Variants in NOXA1 observed in about 807,000 individuals in gnomAD.
The protein encoded by NOXA1 is NADPH oxidase activator 1.
A neutral mutation model predicts 64.8 loss-of-function variants in NOXA1; 56 were observed. The observed-to-expected ratio is 0.86, with a 90% CI of 0.70 to 1.08. NOXA1 has a LOEUF of 1.08. Among genes scored for constraint, NOXA1 ranks in the 50% least tolerant of loss-of-function variants. The pLI is 0.00. For synonymous variants in NOXA1, 295 were observed against 294.8 expected (o/e 1.00, Z -0.01); for missense variants, 668 against 658.5 (o/e 1.01, Z -0.16).
chr9:137,428,463 G>T (rs73565567), intron 3 of NOXA1, among the ~76,000 whole-genome samples: 172 of 151,952 alleles, frequency 1.1e-3, no homozygotes, highest in African/African-American at 4.1e-3. Context: ...TGCCTGGAAC[G>T]TGTTGGCACC....
Position 137,429,016 on chromosome 9 carries a change from G to A in NOXA1, c.504G>A (p.Gln168=), listed in dbSNP as rs1004978657. ...NGLDSALDQV[Q]RRGSLPPRQV... ...TGGACTCAGCCCTGGACCAAGTGCA[G>A]GTGAGGAGTGCCAGCCCGGTCATGG... Residue 168 remains glutamine (Q), a splice_region_variant and synonymous_variant, in exon 4 of 14, where the codon CAG becomes CAA. Transcript: ENST00000683555. The A allele has an allele frequency of 5.1e-6, 8 of 1,554,068 alleles. No individual in the cohort carries two copies. The highest frequency in any genetic ancestry group is 7.0e-6 in the Non-Finnish European group (8 of 1,147,672).
Position 137,431,235 on chromosome 9 carries a change from G to C in NOXA1, c.699-1G>C. 1 of 1,612,128 alleles carries C rather than the reference G, an allele frequency of 6.2e-7. No homozygotes were observed. The highest frequency in any genetic ancestry group is 1.3e-5 in the African/African-American group (1 of 75,038). On this transcript the variant is annotated splice_acceptor_variant, in intron 7 of 13. Transcript: ENST00000683555. LOFTEE classifies it high-confidence loss of function. The surrounding 1 kb of genome is among the most constrained non-coding windows in gnomAD (Gnocchi z 5.6). ...CCTGAGAGCCTCCCTCCTCTCCCTA[G>C]GTCCCTAATCATGGACTCCCCAAGA...
At chr9:137,430,616 C>T (rs1331300365) in intron 5 of NOXA1, among the ~76,000 whole-genome samples, 168 bp from the exon 6 acceptor site, 2 of 152,244 alleles carry the variant, frequency 1.3e-5, no homozygotes, top group Non-Finnish European at 2.9e-5. Context: ...TGTTTTTCTC[C>T]ATCAGACATT....
At chr9:137,432,930 G>A (rs1049842015) in intron 8 of NOXA1, 99 bp from the exon 9 acceptor site, 20 of 1,334,628 alleles carry the variant, frequency 1.5e-5, no homozygotes, top group East Asian at 2.3e-5. Flanking sequence ...GGTGCTGGCC[G>A]GGCACACAGG....
In NOXA1 at chr9:137,428,972, G is replaced by T; in HGVS notation, c.460G>T (p.Glu154Ter). 2 of 1,599,718 alleles carry T rather than the reference G, an allele frequency of 1.3e-6. No individual in the cohort carries two copies. Among genetic ancestry groups the T allele is most frequent in the Non-Finnish European group, 8.5e-7 (1 of 1,173,648 alleles). ...AAGGGAGGCCATGTCCAAGTGGCCG[G>T]AGGGGTCCCTGAATGGCCTGGACTC... Reference protein sequence around the residue: ...SLREAMSKWPEGSLNGLDSAL... With the variant: ...SLREAMSKWP The change falls in exon 4 of 14, where the codon GAG becomes TAG. Residue 154 changes from glutamate to a stop codon, truncating the protein, a stop_gained. Transcript: ENST00000683555. LOFTEE classifies it high-confidence loss of function.
Position 137,431,346 on chromosome 9 carries a change from G to GTGGGCC in NOXA1, c.804+13_804+18dup, listed in dbSNP as rs1564240270. 1 of 1,603,150 alleles carries GTGGGCC rather than the reference G, an allele frequency of 6.2e-7. No individual in the cohort carries two copies. Among genetic ancestry groups the GTGGGCC allele is most frequent in the Non-Finnish European group, 8.5e-7 (1 of 1,177,072 alleles). On this transcript the variant is annotated splice_donor_region_variant and intron_variant, in intron 8 of 13. Transcript: ENST00000683555. This position sits in a 1 kb window ranked among gnomAD's most constrained non-coding sequence, Gnocchi z 5.6. ...TCGACTGCCTACCAGGAGCAGGTGC[G>GTGGGCC]TGGGCCTGGGCCTCTTCCCCTGCTG...
rs1405959461 is a variant in NOXA1 at position 137,433,454 on chromosome 9, G to C, written c.911G>C (p.Gly304Ala). 3 of 1,597,868 alleles carry C rather than the reference G, an allele frequency of 1.9e-6. No homozygotes were observed. The highest frequency in any genetic ancestry group is 2.6e-6 in the Non-Finnish European group (3 of 1,175,632). The change falls in exon 11 of 14, where the codon GGA becomes GCA. Residue 304 changes from glycine (G) to alanine (A), a missense_variant and splice_region_variant. Physicochemically the swap from Gly to Ala is moderately conservative, Grantham distance 60 (BLOSUM62 0). Transcript: ENST00000683555. The stretch of plus-strand genomic sequence containing the variant: ...CCTCCCCCTCCTGCCTGGACCCAGG[G>C]AGCAGGTGCAGGGGGCTCCGAGCCC... ...GPCEDPAGAGGAGAGGSEPLV... is the reference protein window; with the variant it reads ...GPCEDPAGAGAAGAGGSEPLV...
Position 137,425,120 on chromosome 9 carries a change from C to T in NOXA1, c.178-1128C>T, listed in dbSNP as rs139067844. Among the ~76,000 whole-genome samples the T allele has an allele frequency of 3.8e-3, 579 of 152,314 alleles. 5 individuals are homozygous for T. Among genetic ancestry groups the T allele is most frequent in the African/African-American group, 0.013 (537 of 41,566 alleles). On this transcript the variant is annotated intron_variant, in intron 1 of 13. Coordinates refer to ENST00000683555, the MANE Select transcript of NOXA1 (RefSeq NM_001256067.2). ...TCAGGGCTGCGTGCCTGTGCTCAGC[C>T]GCCACACTTCACACCTGTGTGAACT...
rs1838987299 is a variant in NOXA1 at position 137,429,330 on chromosome 9, C to T, written c.559C>T (p.His187Tyr). 5 of 1,583,444 alleles carry T rather than the reference C, an allele frequency of 3.2e-6. No homozygotes were observed. The South Asian group carries it at 5.8e-5, about 18-fold the overall frequency. Residue 187 changes from histidine (H) to tyrosine (Y), a missense_variant, in exon 5 of 14, where the codon CAC (histidine) becomes TAC (tyrosine). His to Tyr is a moderately conservative substitution (Grantham distance 83). Coordinates refer to ENST00000683555, the MANE Select transcript of NOXA1 (RefSeq NM_001256067.2). Reference protein sequence around the residue: ...QVPRGEVFRPHRWHLKHLEPV... With the variant: ...QVPRGEVFRPYRWHLKHLEPV... ...CCCCAGGGGCGAGGTCTTCCGGCCC[C>T]ACCGGTGGCACCTGAAGCACTTGGA... is the stretch of plus-strand genomic sequence containing the variant.
chr9:137,433,645 G>A (rs756697061), intron 11 of NOXA1, 38 bp downstream of exon 11: 1 of 1,527,222 alleles, frequency 6.5e-7, no homozygotes, highest in African/African-American at 1.4e-5. Context: ...GGTGGAGCTG[G>A]GCACCGCCCC....
intron 5 of NOXA1, among the ~76,000 whole-genome samples, chr9:137,429,935 C>T (rs1211922616): frequency 1.9e-5 from 2 of 106,490 alleles, no homozygotes; most frequent in Admixed American, 1.1e-4. Context: ...GCGAGGTCCC[C>T]GGGGGGGTGC....
At chr9:137,429,433 C>A in intron 5 of NOXA1, 50 bp downstream of exon 5, 1 of 1,324,696 alleles carries the variant, frequency 7.5e-7, no homozygotes, top group Non-Finnish European at 1.1e-6. Flanking sequence ...GCTGAGCCCT[C>A]GAACTGTGTT....
At chr9:137,433,321 C>T (rs926594131) in intron 10 of NOXA1, 58 bp downstream of exon 10, 1 of 1,503,968 alleles carries the variant, frequency 6.6e-7, no homozygotes, top group Non-Finnish European at 8.9e-7. Flanking sequence ...AGGCCAAGCC[C>T]CATCCCTCAG....
intron 10 of NOXA1, 72 bp from the exon 11 acceptor site, chr9:137,433,381 C>A: frequency 1.3e-6 from 2 of 1,519,484 alleles, no homozygotes; most frequent in East Asian, 2.4e-5. Flanking sequence ...GTCCACACCC[C>A]TCGGGCTGAA....
At chr9:137,433,326 C>A in intron 10 of NOXA1, 63 bp downstream of exon 10, 2 of 1,500,282 alleles carry the variant, frequency 1.3e-6, no homozygotes, top group Non-Finnish European at 1.8e-6. Context: ...AAGCCCCATC[C>A]CTCAGAATCA....
chr9:137,432,225 A>T (rs2131891394), intron 8 of NOXA1, among the ~76,000 whole-genome samples: 1 of 149,534 alleles, frequency 6.7e-6, no homozygotes, highest in East Asian at 2.0e-4. Context: ...GGCTGCAGTG[A>T]GCCATGACAG....
intron 4 of NOXA1, 29 bp downstream of exon 4, chr9:137,429,045 T>G (rs763521440): frequency 1.3e-6 from 2 of 1,510,130 alleles, no homozygotes; most frequent in Middle Eastern, 3.6e-4. Flanking sequence ...GTCATGGTTT[T>G]GGGCTGGTGC....
rs1298001543 is a variant in NOXA1 at position 137,429,390 on chromosome 9, G to A, written c.612+7G>A. ...TTTCCTGGGCAAGGCCAAGGTAAAG[G>A]TGGGGACGGCGTCCTGGGGCATGGC... On this transcript the variant is annotated splice_region_variant and intron_variant, in intron 5 of 13. Transcript: ENST00000683555. The A allele has an allele frequency of 1.3e-6, 2 of 1,558,350 alleles. No homozygotes were observed. Among genetic ancestry groups the A allele is most frequent in the African/African-American group, 1.4e-5 (1 of 74,060 alleles).
Position 137,433,068 on chromosome 9 carries a change from T to C in NOXA1, c.844T>C (p.Ser282Pro), listed in dbSNP as rs760345759. The C allele has an allele frequency of 2.5e-6, 4 of 1,612,782 alleles. No individual in the cohort carries two copies. In the South Asian group the frequency reaches 4.4e-5, roughly 18 times the overall value. ...VEQVGKQAPL[S>P]PGLPAMGGPG... ...GCAAGTTGGCAAACAGGCTCCTCTC[T>C]CCCCAGGTATGGGCGTCCTCAGCGG... The change falls in exon 9 of 14, where the codon TCC becomes CCC. Residue 282 changes from serine (S) to proline (P), a missense_variant. Coordinates refer to ENST00000683555, the MANE Select transcript of NOXA1 (RefSeq NM_001256067.2).
Sources: gnomAD v4.1 joint callset for allele counts (sites outside exome capture counted in the v4.1 genomes callset) on GRCh38, gnomAD v4.1.1 for gene constraint, Gnocchi (gnomAD v3.1) non-coding constraint, MANE v1.5 for transcripts, NCBI Gene and HGNC (gene_info 2026-07-23, HGNC 2026-07-21) for gene names.